Variants in CNN1 observed in about 807,000 individuals in gnomAD.
CNN1 encodes calponin-1.
Under a neutral mutation model 35.3 loss-of-function variants are expected in CNN1, and 21 were observed. That is an observed-to-expected ratio of 0.60 (90% CI 0.42 to 0.86). The LOEUF (loss-of-function observed/expected upper bound fraction) is 0.86, where lower values mean the gene tolerates loss of function less well. CNN1 is among the 40% of genes least tolerant of loss of function. The pLI is 0.00. For synonymous variants in CNN1, 164 were observed against 161.8 expected, an observed-to-expected ratio of 1.01 and a Z score of -0.10; for missense variants, 314 against 400.8, an observed-to-expected ratio of 0.78 and a Z score of 1.85.
intron 2 of CNN1, among the ~76,000 whole-genome samples, chr19:11,546,426 C>T (rs564349636): frequency 2.0e-5 from 3 of 151,936 alleles, no homozygotes; most frequent in Non-Finnish European, 2.9e-5. Context: ...CTGCAACCTC[C>T]GCCTCCTGGG....
intron 2 of CNN1, among the ~76,000 whole-genome samples, chr19:11,544,682 T>G (rs1264459718): frequency 6.8e-6 from 1 of 146,154 alleles, no homozygotes; most frequent in Non-Finnish European, 1.5e-5. Context: ...TTTTTTTTTT[T>G]GTAGAGACAC....
chr19:11,543,463 TATAATA>T (rs372575864), intron 2 of CNN1, among the ~76,000 whole-genome samples: 45 of 147,662 alleles, frequency 3.0e-4, no homozygotes, highest in Middle Eastern at 3.6e-3. Flanking sequence ...GAACTTAAAG[TATAATA>T]ATAATAATAA....
Position 11,549,890 on chromosome 19 carries a change from G to T in CNN1, c.*95G>T. On this transcript the variant is annotated 3_prime_UTR_variant, in exon 7 of 7. Transcript: ENST00000252456. This position sits in a 1 kb window ranked among gnomAD's most constrained non-coding sequence, Gnocchi z 5.2. ...CCAGCCGACCCCCTCTCCCTGCATGGCATCCTCCAGCCCCTGTAGAACTCA... is the reference window on the plus strand; with the variant it reads ...CCAGCCGACCCCCTCTCCCTGCATGTCATCCTCCAGCCCCTGTAGAACTCA... The T allele has an allele frequency of 4.7e-6, 7 of 1,489,780 alleles. No individual in the cohort carries two copies. Among genetic ancestry groups the T allele is most frequent in the Non-Finnish European group, 4.5e-6 (5 of 1,100,862 alleles). 92.3% of individuals were successfully genotyped at this position (1,489,780 alleles called of 1,614,324 possible).
At chr19:11,540,099 G>A (rs1421474795) in intron 1 of CNN1, 1 of 1,006,148 alleles carries the variant, frequency 9.9e-7, no homozygotes, top group Non-Finnish European at 1.2e-6. Flanking sequence ...GGGGCTGGGA[G>A]CCTGGCTGGG....
Position 11,549,880 on chromosome 19 carries a change from T to G in CNN1, c.*85T>G, listed in dbSNP as rs1478491748. On this transcript the variant is annotated 3_prime_UTR_variant, in exon 7 of 7. Coordinates refer to ENST00000252456, the MANE Select transcript of CNN1 (RefSeq NM_001299.6). This position sits in a 1 kb window ranked among gnomAD's most constrained non-coding sequence, Gnocchi z 5.2. ...CCAGCCAGGCCCAGCCGACCCCCTCTCCCTGCATGGCATCCTCCAGCCCCT... is the reference window on the plus strand; with the variant it reads ...CCAGCCAGGCCCAGCCGACCCCCTCGCCCTGCATGGCATCCTCCAGCCCCT... 7 of 1,514,892 alleles carry G rather than the reference T, an allele frequency of 4.6e-6. No individual in the cohort carries two copies. Among genetic ancestry groups the G allele is most frequent in the Non-Finnish European group, 5.3e-6 (6 of 1,121,496 alleles). The allele number at this position is 1,514,892 out of a possible 1,614,324, so 93.8% of individuals were successfully genotyped here.
At chr19:11,542,424 C>T (rs1261286038) in intron 2 of CNN1, among the ~76,000 whole-genome samples, 1 of 151,594 alleles carries the variant, frequency 6.6e-6, no homozygotes, top group Non-Finnish European at 1.5e-5. Flanking sequence ...AACTCCTGAC[C>T]TCAAGTGATC....
intron 1 of CNN1, 100 bp downstream of exon 1, chr19:11,539,090 C>G (rs1448981993): frequency 3.5e-6 from 4 of 1,152,176 alleles, no homozygotes; most frequent in Non-Finnish European, 4.7e-6. Context: ...TCCTATGTGA[C>G]TTGGAAACTG....
intron 2 of CNN1, among the ~76,000 whole-genome samples, chr19:11,546,460 T>C (rs1335996874): frequency 6.6e-6 from 1 of 151,770 alleles, no homozygotes; most frequent in Admixed American, 6.6e-5. Context: ...CTCAGCCTCC[T>C]GAGTAGCTGG....
At chr19:11,547,069 G>C (rs994457433) in intron 4 of CNN1, 100 bp downstream of exon 4, 13 of 1,544,956 alleles carry the variant, frequency 8.4e-6, no homozygotes, top group African/African-American at 2.7e-5. Flanking sequence ...GTGGCGGAGC[G>C]GGGGGCAGGG....
chr19:11,549,763 C>G lies in CNN1; in HGVS notation c.862C>G (p.His288Asp). 6.2e-7 allele frequency: 1 copy of G among 1,613,254 alleles called. No homozygotes were observed. Among genetic ancestry groups the G allele is most frequent in the South Asian group, 1.1e-5 (1 of 90,948 alleles). Residue 288 changes from histidine to aspartate, a missense_variant, in exon 7 of 7, where the codon CAC becomes GAC. His to Asp is a moderately conservative substitution (Grantham distance 81). Coordinates refer to ENST00000252456, the MANE Select transcript of CNN1 (RefSeq NM_001299.6). This position sits in a 1 kb window ranked among gnomAD's most constrained non-coding sequence, Gnocchi z 5.2. ...YPELGEPAHN[H>D]HAHNYYNSA ...AGAGCTGGGTGAGCCCGCCCACAAC[C>G]ACCACGCACACAACTACTACAATTC...
In CNN1 at chr19:11,549,933, G is replaced by A; in HGVS notation, c.*138G>A. On this transcript the variant is annotated 3_prime_UTR_variant, in exon 7 of 7. Transcript: ENST00000252456. This position sits in a 1 kb window ranked among gnomAD's most constrained non-coding sequence, Gnocchi z 5.2. ...AGAACTCAACCTCTACAGGGTTAGA[G>A]TTTGGAGAGAGCAGACTGGCGGGGG... The A allele has an allele frequency of 7.6e-7, 1 of 1,313,718 alleles. No homozygotes were observed. Among genetic ancestry groups the A allele is most frequent in the Non-Finnish European group, 1.0e-6 (1 of 959,254 alleles). The allele number at this position is 1,313,718 out of a possible 1,614,324, so 81.4% of individuals were successfully genotyped here.
At position 11,549,374 on chromosome 19, in the gene CNN1, C is replaced by T. The variant is rs201786372; in HGVS notation, c.553C>T (p.Arg185Trp). 1.5e-4 allele frequency: 249 copies of T among 1,614,022 alleles called. No homozygotes were observed. Among genetic ancestry groups the T allele is most frequent in the Non-Finnish European group, 1.8e-4 (216 of 1,179,984 alleles). The change falls in exon 6 of 7, where the codon CGG becomes TGG. Residue 185 changes from arginine to tryptophan, a missense_variant. Transcript: ENST00000252456. This position sits in a 1 kb window ranked among gnomAD's most constrained non-coding sequence, Gnocchi z 5.2. ...GCAGGGCATGACGGCCTATGGCACC[C>T]GGCGCCACCTCTACGACCCCAAGCT... ...SQQGMTAYGT[R>W]RHLYDPKLGT...
Position 11,549,912 on chromosome 19 carries a change from C to G in CNN1, c.*117C>G. ...ATGGCATCCTCCAGCCCCTGTAGAA[C>G]TCAACCTCTACAGGGTTAGAGTTTG... On this transcript the variant is annotated 3_prime_UTR_variant, in exon 7 of 7. Transcript: ENST00000252456. The surrounding 1 kb of genome is among the most constrained non-coding windows in gnomAD (Gnocchi z 5.2). The G allele has an allele frequency of 2.8e-6, 4 of 1,416,666 alleles. No homozygotes were observed. Among genetic ancestry groups the G allele is most frequent in the Non-Finnish European group, 3.8e-6 (4 of 1,043,856 alleles). The allele number at this position is 1,416,666 out of a possible 1,614,324, so 87.8% of individuals were successfully genotyped here.
Position 11,538,966 on chromosome 19 carries a change from G to A in CNN1, c.39G>A (p.Gly13=), listed in dbSNP as rs1473952422. 5 of 1,596,034 alleles carry A rather than the reference G, an allele frequency of 3.1e-6. No homozygotes were observed. Among genetic ancestry groups the A allele is most frequent in the Non-Finnish European group, 4.3e-6 (5 of 1,169,762 alleles). The change falls in exon 1 of 7, where the codon GGG becomes GGA. Residue 13 remains glycine (G), a synonymous_variant. Transcript: ENST00000252456. ...ACTTCAACCGAGGCCCTGCCTACGG[G>A]CTGTCAGCCGAGGTTAAGAACAAGG... ...SAHFNRGPAY[G]LSAEVKNKLA... is the part of the protein sequence containing the mutation.
At chr19:11,543,463 T>TATAATAATA (rs372575864) in intron 2 of CNN1, among the ~76,000 whole-genome samples, 17 of 147,666 alleles carry the variant, frequency 1.2e-4, no homozygotes, top group Admixed American at 2.7e-4. Context: ...GAACTTAAAG[T>TATAATAATA]ATAATAATAA....
chr19:11,540,956 A>G, intron 1 of CNN1, 120 bp from the exon 2 acceptor site: 6 of 1,126,240 alleles, frequency 5.3e-6, no homozygotes, highest in Non-Finnish European at 7.2e-6. Context: ...AAATTGCCTT[A>G]GTTGGGAAGG....
intron 1 of CNN1, chr19:11,539,195 C>T: frequency 1.7e-5 from 21 of 1,229,562 alleles, no homozygotes; most frequent in Non-Finnish European, 2.2e-5. Flanking sequence ...AATGGGGGGG[C>T]ACACAGCCAC....
chr19:11,549,401 G>A lies in CNN1; in HGVS notation c.580G>A (p.Gly194Ser). 6.2e-7 allele frequency: 1 copy of A among 1,612,944 alleles called. No individual in the cohort carries two copies. The highest frequency in any genetic ancestry group is 1.3e-5 in the African/African-American group (1 of 74,616). Residue 194 changes from glycine to serine, a missense_variant, in exon 6 of 7, where the codon GGC (glycine) becomes AGC (serine). Gly to Ser is a moderately conservative substitution (Grantham distance 56). Coordinates refer to ENST00000252456, the MANE Select transcript of CNN1 (RefSeq NM_001299.6). The surrounding 1 kb of genome is among the most constrained non-coding windows in gnomAD (Gnocchi z 5.2). ...GCGCCACCTCTACGACCCCAAGCTG[G>A]GCACAGACCAGCCTCTGGACCAGGC... ...TRRHLYDPKL[G>S]TDQPLDQATI...
At position 11,549,269 on chromosome 19, in the gene CNN1, T is replaced by C. The variant is rs1390295818; in HGVS notation, c.502-54T>C. On this transcript the variant is annotated intron_variant, in intron 5 of 6. Coordinates refer to ENST00000252456, the MANE Select transcript of CNN1 (RefSeq NM_001299.6). This position sits in a 1 kb window ranked among gnomAD's most constrained non-coding sequence, Gnocchi z 5.2. ...ATCCTCTCCCATCAGCTATGCCTCA[T>C]GGCCCATGATGAGGTCTGTAATTAT... is the stretch of plus-strand genomic sequence containing the variant. The C allele has an allele frequency of 6.3e-7, 1 of 1,596,776 alleles. No individual in the cohort carries two copies. Among genetic ancestry groups the C allele is most frequent in the Non-Finnish European group, 8.6e-7 (1 of 1,166,188 alleles).
Sources: gnomAD v4.1 joint callset for allele counts (sites outside exome capture counted in the v4.1 genomes callset) on GRCh38, gnomAD v4.1.1 for gene constraint, Gnocchi (gnomAD v3.1) non-coding constraint, MANE v1.5 for transcripts, NCBI Gene and HGNC (gene_info 2026-07-23, HGNC 2026-07-21) for gene names.